LRRC37A3: variants seen among roughly 807,000 people sequenced by gnomAD.
The protein encoded by LRRC37A3 is leucine rich repeat containing 37 member A3, also known as leucine-rich repeat-containing protein 37A3.
Under a neutral mutation model 106.2 loss-of-function variants are expected in LRRC37A3, and 25 were observed. The ratio of observed to expected loss-of-function variants is 0.24; its 90% CI spans 0.17 to 0.33. The LOEUF (loss-of-function observed/expected upper bound fraction) is 0.33. Among genes scored for constraint, LRRC37A3 ranks in the 10% least tolerant of loss-of-function variants. LRRC37A3 has a pLI of 1.00. For synonymous variants in LRRC37A3, 305 were observed against 635.8 expected, an observed-to-expected ratio of 0.48 and a Z score of 7.83; for missense variants, 712 against 1,644.9, an observed-to-expected ratio of 0.43 and a Z score of 9.81.
At chr17:64,863,816 A>AT (rs1972962659) in intron 10 of LRRC37A3, among the ~76,000 whole-genome samples, 1 of 152,084 alleles carries the variant, frequency 6.6e-6, no homozygotes, top group Admixed American at 6.6e-5. Context: ...GAAAATTATT[A>AT]TTTTTTATTT....
intron 8 of LRRC37A3, among the ~76,000 whole-genome samples, chr17:64,879,900 A>G (rs1197167376): frequency 6.6e-6 from 1 of 152,142 alleles, no homozygotes; most frequent in Non-Finnish European, 1.5e-5. Context: ...CCCTGTTTCT[A>G]TTTTTTCTTA....
chr17:64,880,910 C>A (rs1378758055), intron 8 of LRRC37A3, among the ~76,000 whole-genome samples: 1 of 151,898 alleles, frequency 6.6e-6, no homozygotes, highest in East Asian at 1.9e-4. Flanking sequence ...ACAGCTCTAG[C>A]TGAAAAAATG....
rs781054071 is a variant in LRRC37A3, at chr17:64,860,916, C to T, written c.3230G>A (p.Arg1077Gln). 9.9e-6 allele frequency: 16 copies of T among 1,613,952 alleles called. No homozygotes were observed. Among genetic ancestry groups the T allele is most frequent in the South Asian group, 6.6e-5 (6 of 91,090 alleles). Residue 1077 changes from arginine (R) to glutamine (Q), a missense_variant, in exon 12 of 15, where the codon CGG becomes CAG. Coordinates refer to ENST00000584306, the MANE Select transcript of LRRC37A3 (RefSeq NM_199340.5). The part of the protein sequence containing the change: ...EGAFMKVLQA[R>Q]KNYTSTELII... ...CAGCTCAGTGCTTGTGTAATTCTTC[C>T]GGGCTTGTAACACCTTCATGAACGC...
chr17:64,882,763 A>G (rs1300397603), intron 8 of LRRC37A3, among the ~76,000 whole-genome samples: 1 of 152,032 alleles, frequency 6.6e-6, no homozygotes, highest in Non-Finnish European at 1.5e-5. Context: ...ATAATTCAAT[A>G]GGGATAAAGC....
At position 64,918,837 on chromosome 17, in the gene LRRC37A3, C is replaced by A. The variant is rs1305166170; in HGVS notation, c.-583G>T. On this transcript the variant is annotated 5_prime_UTR_variant, in exon 2 of 15. Transcript: ENST00000584306. ...ATCGCCTGAGCTCAGGAGTTCGACA[C>A]CAGCCTGGGCAACACGGTGAAACTC... is the stretch of plus-strand genomic sequence containing the variant. 1 of 467,276 alleles carries A rather than the reference C, an allele frequency of 2.1e-6. No individual in the cohort carries two copies. The highest frequency in any genetic ancestry group is 3.7e-6 in the Non-Finnish European group (1 of 272,982). 28.9% of individuals were successfully genotyped at this position (467,276 alleles called of 1,614,324 possible).
intron 8 of LRRC37A3, among the ~76,000 whole-genome samples, chr17:64,875,141 G>A (rs192916287): frequency 6.6e-5 from 10 of 152,244 alleles, no homozygotes; most frequent in Non-Finnish European, 1.5e-4. Context: ...ACTGGGCATG[G>A]TGGTGCATGC....
chr17:64,868,671 T>C (rs1234654933), intron 9 of LRRC37A3, 135 bp from the exon 10 acceptor site: 1 of 1,242,496 alleles, frequency 8.0e-7, no homozygotes, highest in Non-Finnish European at 1.1e-6. Context: ...GGAGCTCTTA[T>C]TAAAGAAATT....
chr17:64,864,371 G>A (rs965853140), intron 10 of LRRC37A3, among the ~76,000 whole-genome samples: 4 of 152,154 alleles, frequency 2.6e-5, no homozygotes, highest in African/African-American at 9.7e-5. Flanking sequence ...AGAAAGTAGA[G>A]GCATGTTTTA....
Position 64,875,146 on chromosome 17 carries a change from G to A in LRRC37A3, c.2907-5980C>T, listed in dbSNP as rs147021668. The stretch of plus-strand genomic sequence containing the variant: ...AACAAAAAAAACTGGGCATGGTGGT[G>A]CATGCCTGTAGTCTCAGCTACCCAG... On this transcript the variant is annotated intron_variant, in intron 8 of 14. Transcript: ENST00000584306. 7.3e-4 allele frequency among the ~76,000 whole-genome samples: 111 copies of A among 152,274 alleles called. 3 individuals carry two copies. The East Asian group carries it at 0.019, about 26-fold the overall frequency.
chr17:64,875,015 TCTGCTGACCTTCC>T (rs1160926844), intron 8 of LRRC37A3, among the ~76,000 whole-genome samples: 2 of 151,868 alleles, frequency 1.3e-5, no homozygotes, highest in African/African-American at 4.8e-5. Flanking sequence ...CACTTGTTTA[TCTGCTGACCTTCC>T]CTCCACTATT....
intron 10 of LRRC37A3, among the ~76,000 whole-genome samples, chr17:64,866,627 TA>T (rs1219087755): frequency 0.032 from 613 of 18,982 alleles, 4 homozygotes; most frequent in Non-Finnish European, 0.038. Context: ...TATATATATA[TA>T]TTTTTTTTTT....
intron 2 of LRRC37A3, among the ~76,000 whole-genome samples, chr17:64,917,213 T>C (rs561316775): frequency 1.5e-4 from 18 of 118,286 alleles, no homozygotes; most frequent in Admixed American, 1.4e-3. Context: ...GCCACTGCAC[T>C]CCAGCCTGGG....
In LRRC37A3 at chr17:64,918,848, A is replaced by G. The variant is rs1974763570; in HGVS notation, c.-594T>C. 6.6e-6 allele frequency: 3 copies of G among 456,462 alleles called. No individual in the cohort carries two copies. Among genetic ancestry groups the G allele is most frequent in the Admixed American group, 4.6e-5 (1 of 21,938 alleles). 28.3% of individuals were successfully genotyped at this position (456,462 alleles called of 1,614,324 possible). On this transcript the variant is annotated 5_prime_UTR_variant, in exon 2 of 15. Transcript: ENST00000584306. ...TCAGGAGTTCGACACCAGCCTGGGC[A>G]ACACGGTGAAACTCCATCTCTACTA...
At chr17:64,890,109 T>G (rs1481062028) in intron 5 of LRRC37A3, among the ~76,000 whole-genome samples, 1 of 85,618 alleles carries the variant, frequency 1.2e-5, no homozygotes, top group African/African-American at 8.4e-5. Flanking sequence ...TCCCAAACCT[T>G]ATTATGAAAG....
chr17:64,876,795 T>C (rs1044224632), intron 8 of LRRC37A3: 2 of 151,946 alleles, frequency 1.3e-5, no homozygotes, highest in African/African-American at 4.8e-5. Context: ...ATCTACCAAA[T>C]ACTTAAAGAA....
At chr17:64,879,845 G>C (rs1973636933) in intron 8 of LRRC37A3, among the ~76,000 whole-genome samples, 1 of 152,022 alleles carries the variant, frequency 6.6e-6, no homozygotes, top group Admixed American at 6.5e-5. Context: ...CAGAAGGAGA[G>C]CTTGAGCCCA....
intron 13 of LRRC37A3, among the ~76,000 whole-genome samples, chr17:64,857,363 T>A (rs1466484470): frequency 6.6e-6 from 1 of 152,254 alleles, no homozygotes; most frequent in African/African-American, 2.4e-5. Context: ...CTAAAGCTCT[T>A]CTGAAAGACA....
intron 8 of LRRC37A3, among the ~76,000 whole-genome samples, chr17:64,884,451 C>T (rs1049520402): frequency 2.6e-5 from 4 of 151,440 alleles, no homozygotes; most frequent in African/African-American, 7.3e-5. Flanking sequence ...CTGCAACCTC[C>T]GTCTCCTGGT....
intron 8 of LRRC37A3, among the ~76,000 whole-genome samples, chr17:64,875,759 A>G (rs1431885160): frequency 6.6e-6 from 1 of 152,120 alleles, no homozygotes; most frequent in Non-Finnish European, 1.5e-5. Flanking sequence ...ACTGCACTCT[A>G]GCCTGGGCAA....
Sources: allele counts gnomAD v4.1 joint callset (sites outside exome capture counted in the v4.1 genomes callset), GRCh38; gene constraint gnomAD v4.1.1; transcripts MANE v1.5; gene names NCBI Gene and HGNC (gene_info 2026-07-23, HGNC 2026-07-21).